Variants in DOCK6 observed in about 807,000 individuals in gnomAD.
DOCK6 encodes the protein dedicator of cytokinesis protein 6.
A neutral mutation model predicts 230.3 loss-of-function variants in DOCK6; 167 were observed. The ratio of observed to expected loss-of-function variants is 0.73; its 90% CI spans 0.64 to 0.82. The LOEUF is 0.82. Among genes scored for constraint, DOCK6 ranks in the 40% least tolerant of loss-of-function variants. DOCK6 has a pLI of 0.00. For synonymous variants in DOCK6, 1,148 were observed against 1,185.0 expected (o/e 0.97, Z 0.64); for missense variants, 2,598 against 2,825.8 (o/e 0.92, Z 1.83).
At chr19:11,216,660 C>T (rs1052682559) in intron 30 of DOCK6, 17 of 455,742 alleles carry the variant, frequency 3.7e-5, no homozygotes, top group African/African-American at 6.0e-5. Context: ...CCACCTGCCT[C>T]GGCCTCCCAA....
intron 1 of DOCK6, among the ~76,000 whole-genome samples, chr19:11,261,691 G>C (rs1003436543): frequency 6.6e-6 from 1 of 151,996 alleles, no homozygotes; most frequent in Non-Finnish European, 1.5e-5. Context: ...CCAGCGCCTG[G>C]GGCCTGTCCC....
intron 28 of DOCK6, among the ~76,000 whole-genome samples, chr19:11,217,659 G>T (rs1260739339): frequency 6.6e-6 from 1 of 150,804 alleles, no homozygotes; most frequent in African/African-American, 2.4e-5. Context: ...TCGGGAGGCT[G>T]TGGCACGAGA....
chr19:11,252,821 C>T lies in DOCK6; in HGVS notation c.270G>A (p.Arg90=), dbSNP rs377251719. ...TCCCGGGCTCCGTGGTCCGGCATTCCCGGGGCTGCAGCAGCAGCTCCAAGT... is the reference window on the plus strand; with the variant it reads ...TCCCGGGCTCCGTGGTCCGGCATTCTCGGGGCTGCAGCAGCAGCTCCAAGT... ...ADDLELLLQP[R]ECRTTEPGIP... The change falls in exon 3 of 48, where the codon CGG becomes CGA. Residue 90 remains arginine, a synonymous_variant. Coordinates refer to ENST00000294618, the MANE Select transcript of DOCK6 (RefSeq NM_020812.4). 52 of 1,613,230 alleles carry T rather than the reference C, an allele frequency of 3.2e-5. No individual in the cohort carries two copies. Among genetic ancestry groups the T allele is most frequent in the Non-Finnish European group, 4.2e-5 (49 of 1,179,614 alleles).
chr19:11,208,656 C>A (rs1330631241), intron 39 of DOCK6, 30 bp downstream of exon 39: 1 of 1,592,972 alleles, frequency 6.3e-7, no homozygotes. Context: ...CCCGAGCCCC[C>A]TCTCCTGCAC....
chr19:11,261,007 G>A (rs1250259379), intron 1 of DOCK6, among the ~76,000 whole-genome samples: 1 of 151,786 alleles, frequency 6.6e-6, no homozygotes, highest in African/African-American at 2.4e-5. Context: ...CCAATTTACA[G>A]ACAAAGATAA....
intron 22 of DOCK6, among the ~76,000 whole-genome samples, chr19:11,231,761 G>A (rs1053628761): frequency 6.6e-6 from 1 of 152,152 alleles, no homozygotes; most frequent in African/African-American, 2.4e-5. Context: ...CCCTACACCA[G>A]GTACCTGGAA....
intron 22 of DOCK6, among the ~76,000 whole-genome samples, chr19:11,232,936 G>C (rs547732747): frequency 6.6e-6 from 1 of 152,058 alleles, no homozygotes; most frequent in African/African-American, 2.4e-5. Flanking sequence ...ATATGCACCT[G>C]CTACACTAGG....
chr19:11,214,942 ATT>A (rs141146699), intron 32 of DOCK6, among the ~76,000 whole-genome samples: 30 of 127,052 alleles, frequency 2.4e-4, no homozygotes, highest in Admixed American at 4.7e-4. Flanking sequence ...TGCCTGGCTA[ATT>A]TTTTTTTTTT....
At chr19:11,238,577 C>T (rs1052113936) in intron 14 of DOCK6, 1 of 442,072 alleles carries the variant, frequency 2.3e-6, no homozygotes, top group African/African-American at 2.0e-5. Context: ...ATTGGAGGCA[C>T]TCATGGGGCA....
At chr19:11,232,647 T>C (rs1016635548) in intron 22 of DOCK6, among the ~76,000 whole-genome samples, 2 of 152,060 alleles carry the variant, frequency 1.3e-5, no homozygotes, top group African/African-American at 2.4e-5. Flanking sequence ...GGTGAATGTG[T>C]ATACGCACCC....
rs202209921 is a variant in DOCK6, at chr19:11,222,812, C to G, written c.3163G>C (p.Val1055Leu). The change falls in exon 26 of 48, where the codon GTG becomes CTG. Residue 1055 changes from valine (V) to leucine (L), a missense_variant. By Grantham distance (32) the Val-to-Leu change is conservative. Transcript: ENST00000294618. The surrounding 1 kb of genome is among the most constrained non-coding windows in gnomAD (Gnocchi z 4.0). ...TRILCSHEHYVTLNLPCCPLS... is the reference protein window; with the variant it reads ...TRILCSHEHYLTLNLPCCPLS... Reference sequence around the variant, plus strand: ...GGGCAGCAGGGGAGGTTGAGGGTCACGTAGTGCTCGTGGCTGCACAGGATG... The same window carrying G: ...GGGCAGCAGGGGAGGTTGAGGGTCAGGTAGTGCTCGTGGCTGCACAGGATG... 8.2e-6 allele frequency: 13 copies of G among 1,592,364 alleles called. No individual in the cohort carries two copies. The African/African-American group carries it at 1.3e-4, about 16-fold the overall frequency.
Position 11,201,988 on chromosome 19 carries a change from G to T in DOCK6, c.5589C>A (p.His1863Gln). ...GCTTGTGTTGCTCGGGCAGCTCCCC[G>T]TGTGCGCGCCCATCCGGCGTGAACG... Reference protein sequence around the residue: ...CTPFTPDGRAHGELPEQHKRK... With the variant: ...CTPFTPDGRAQGELPEQHKRK... The change falls in exon 44 of 48, where the codon CAC (histidine) becomes CAA (glutamine). Residue 1863 changes from histidine (H) to glutamine (Q), a missense_variant. His to Gln is a conservative substitution (Grantham distance 24). Transcript: ENST00000294618. The surrounding 1 kb of genome is among the most constrained non-coding windows in gnomAD (Gnocchi z 4.3). 6.2e-7 allele frequency: 1 copy of T among 1,614,008 alleles called. No individual in the cohort carries two copies. Among genetic ancestry groups the T allele is most frequent in the South Asian group, 1.1e-5 (1 of 91,082 alleles).
intron 7 of DOCK6, among the ~76,000 whole-genome samples, chr19:11,246,556 G>A (rs141409550): frequency 0.01 from 1,597 of 152,106 alleles, 26 homozygotes; most frequent in East Asian, 0.066. Flanking sequence ...GAGCCACCGC[G>A]CCCCGCCGAC....
At chr19:11,214,161 G>T in intron 34 of DOCK6, 114 bp downstream of exon 34, 4 of 1,410,810 alleles carry the variant, frequency 2.8e-6, no homozygotes, top group Non-Finnish European at 2.8e-6. Flanking sequence ...CTGGCCTCAA[G>T]CGATCCTCCC....
chr19:11,230,316 G>A (rs2079744242), intron 22 of DOCK6, among the ~76,000 whole-genome samples: 1 of 152,168 alleles, frequency 6.6e-6, no homozygotes, highest in South Asian at 2.1e-4. Flanking sequence ...TCCAGCCTGA[G>A]TGATAAGAGC....
chr19:11,253,554 G>T, intron 2 of DOCK6, 85 bp downstream of exon 2: 1 of 884,828 alleles, frequency 1.1e-6, no homozygotes, highest in South Asian at 2.7e-5. Context: ...GGAGGGAGGG[G>T]GTGGGATAGA....
intron 14 of DOCK6, chr19:11,240,345 A>G (rs927944693): frequency 1.3e-6 from 2 of 1,483,998 alleles, no homozygotes; most frequent in African/African-American, 2.8e-5. Flanking sequence ...ATTTCCGGCC[A>G]GAACTCGCTT....
At chr19:11,260,892 A>AAAAAAAAAAAAAAG (rs1423289379) in intron 1 of DOCK6, among the ~76,000 whole-genome samples, 1 of 148,496 alleles carries the variant, frequency 6.7e-6, no homozygotes, top group African/African-American at 2.5e-5. Flanking sequence ...CAAAAAAAAA[A>AAAAAAAAAAAAAAG]AAAGAAAGAA....
intron 39 of DOCK6, among the ~76,000 whole-genome samples, chr19:11,207,122 T>C (rs1414518981): frequency 2.6e-5 from 4 of 152,162 alleles, no homozygotes; most frequent in African/African-American, 9.6e-5. Flanking sequence ...AGTCAGCCAC[T>C]GCGCCCAGCC....
Sources: gnomAD v4.1 joint callset for allele counts (sites outside exome capture counted in the v4.1 genomes callset) on GRCh38, gnomAD v4.1.1 for gene constraint, Gnocchi (gnomAD v3.1) non-coding constraint, MANE v1.5 for transcripts, NCBI Gene and HGNC (gene_info 2026-07-23, HGNC 2026-07-21) for gene names.